Variants in GRAMD4 observed in about 807,000 individuals in gnomAD.
The protein encoded by GRAMD4 is GRAM domain-containing protein 4.
Under a neutral mutation model 83.9 loss-of-function variants are expected in GRAMD4, and 25 were observed. The observed-to-expected ratio is 0.30, with a 90% CI of 0.22 to 0.42. The LOEUF is 0.42. Among genes scored for constraint, GRAMD4 ranks in the 10% least tolerant of loss-of-function variants. The probability of loss-of-function intolerance (pLI) is 1.00; values close to 1 mark genes in which losing one functional copy is unlikely to be tolerated. For missense variants in GRAMD4, 593 were observed against 788.7 expected (o/e 0.75, Z 2.97); for synonymous variants, 336 against 320.9 (o/e 1.05, Z -0.50).
At chr22:46,674,986 C>T (rs1160695973) in intron 16 of GRAMD4, among the ~76,000 whole-genome samples, 2 of 152,242 alleles carry the variant, frequency 1.3e-5, no homozygotes, top group African/African-American at 2.4e-5. Flanking sequence ...ATGCTGTCTT[C>T]TCTGGGGCCC....
chr22:46,635,781 G>A (rs1411931998), intron 2 of GRAMD4, among the ~76,000 whole-genome samples: 1 of 63,234 alleles, frequency 1.6e-5, no homozygotes, highest in Non-Finnish European at 3.3e-5. Flanking sequence ...CTAGGTGGCC[G>A]TGTCCTCCCT....
chr22:46,658,143 C>T (rs373842597), intron 3 of GRAMD4, 44 bp from the exon 4 acceptor site: 32 of 1,611,580 alleles, frequency 2.0e-5, no homozygotes, highest in East Asian at 1.3e-4. Context: ...GTCGGGGTCG[C>T]GTGGACATGA....
chr22:46,636,070 C>T (rs4823570), intron 2 of GRAMD4, among the ~76,000 whole-genome samples: 82,723 of 152,008 alleles, frequency 0.54, 23,007 homozygotes, highest in Non-Finnish European at 0.61. Context: ...GTCCTGGGGC[C>T]CCAGCTGGGG....
rs905297499 is a variant in GRAMD4 at position 46,679,276 on chromosome 22, C to T, written c.*2025C>T. The T allele has an allele frequency of 1.7e-5, 17 of 985,364 alleles. No individual in the cohort carries two copies. The highest frequency in any genetic ancestry group is 1.4e-4 in the African/African-American group (8 of 57,232). The allele number at this position is 985,364 out of a possible 1,614,324, so 61.0% of individuals were successfully genotyped here. A position where few individuals can be genotyped will look rare whatever the true frequency, so the allele number is the denominator to read the frequency against. ...CCTGGGGCAGATGGGGCTTTACCAGCGTCGGGTGGTTTAGTTCGAGTCCCT... is the reference window on the plus strand; with the variant it reads ...CCTGGGGCAGATGGGGCTTTACCAGTGTCGGGTGGTTTAGTTCGAGTCCCT... On this transcript the variant is annotated 3_prime_UTR_variant, in exon 19 of 19. Coordinates refer to ENST00000406902, the MANE Select transcript of GRAMD4 (RefSeq NM_015124.5).
intron 3 of GRAMD4, among the ~76,000 whole-genome samples, chr22:46,653,079 GC>G (rs2082190836): frequency 1.3e-5 from 2 of 152,222 alleles, no homozygotes; most frequent in African/African-American, 4.8e-5. Context: ...GCGGTCAGAC[GC>G]TCCAGCTGGT....
intron 13 of GRAMD4, among the ~76,000 whole-genome samples, chr22:46,669,671 G>A (rs2082471141): frequency 6.6e-6 from 1 of 151,668 alleles, no homozygotes; most frequent in African/African-American, 2.4e-5. Context: ...CGCCTCCCGG[G>A]TTCAAGTGAT....
At chr22:46,616,461 T>A (rs2081496504), upstream of GRAMD4, among the ~76,000 whole-genome samples, 1 of 132,178 alleles carries the variant, frequency 7.6e-6, no homozygotes, top group Non-Finnish European at 1.6e-5. Context: ...GGTTCCCCCG[T>A]GTGTAGGTTC....
At chr22:46,637,996 A>G (rs770637009) in intron 3 of GRAMD4, 36 bp downstream of exon 3, 176 of 1,605,912 alleles carry the variant, frequency 1.1e-4, no homozygotes, top group Non-Finnish European at 1.5e-4. Flanking sequence ...GGATGGGACA[A>G]GGTGGGTCAG....
At position 46,655,081 on chromosome 22, in the gene GRAMD4, G is replaced by C. The variant is rs78072584; in HGVS notation, c.284-3106G>C. Among the ~76,000 whole-genome samples, 475 of 152,328 alleles carry C rather than the reference G, an allele frequency of 3.1e-3. 2 individuals carry two copies. Among genetic ancestry groups the C allele is most frequent in the African/African-American group, 0.011 (442 of 41,558 alleles). ...GGGTCAGGACTGAGGCTGAGGGACA[G>C]CTTACCCTGGAGGGTGGAAGAGAAG... On this transcript the variant is annotated intron_variant, in intron 3 of 18. Transcript: ENST00000406902.
chr22:46,650,114 T>C (rs2082142383), intron 3 of GRAMD4, among the ~76,000 whole-genome samples: 1 of 152,258 alleles, frequency 6.6e-6, no homozygotes, highest in South Asian at 2.1e-4. Context: ...GGGTGGATTC[T>C]GAGTTCGCGC....
At position 46,661,959 on chromosome 22, in the gene GRAMD4, C is replaced by T. The variant is rs182096875; in HGVS notation, c.466+517C>T. 4.2e-3 allele frequency among the ~76,000 whole-genome samples: 642 copies of T among 152,342 alleles called. 3 individuals are homozygous for T. Among genetic ancestry groups the T allele is most frequent in the African/African-American group, 0.015 (616 of 41,572 alleles). On this transcript the variant is annotated intron_variant, in intron 5 of 18. Coordinates refer to ENST00000406902, the MANE Select transcript of GRAMD4 (RefSeq NM_015124.5). ...CGCCCTGCAGGCAGCCGGCATAGTT[C>T]CCTGTACCTGGGGGTCAGCAAACTC...
intron 1 of GRAMD4, among the ~76,000 whole-genome samples, chr22:46,594,492 G>A (rs2081241484): frequency 6.6e-6 from 1 of 152,124 alleles, no homozygotes; most frequent in Non-Finnish European, 1.5e-5. Context: ...GCCAGAGGAG[G>A]GCTGGGGTAG....
chr22:46,604,520 C>G (rs138222426), intron 1 of GRAMD4, among the ~76,000 whole-genome samples: 7 of 152,184 alleles, frequency 4.6e-5, no homozygotes, highest in Non-Finnish European at 1.0e-4. Context: ...CTTCCCCAAC[C>G]GAAACTCCGC....
rs757421785 is a variant in GRAMD4 at position 46,665,659 on chromosome 22, C to T, written c.762C>T (p.Phe254=). 6.2e-7 allele frequency: 1 copy of T among 1,608,188 alleles called. No homozygotes were observed. Among genetic ancestry groups the T allele is most frequent in the Non-Finnish European group, 8.5e-7 (1 of 1,175,126 alleles). ...GGCATGGCTGGGCCATCCCATTGTT[C>T]TTATTTCTAGCAATTCTGAGGTTAT... The part of the protein sequence containing the change: ...AVWHGWAIPL[F]LFLAILRLSL... Residue 254 remains phenylalanine, a synonymous_variant, in exon 9 of 19, where the codon TTC becomes TTT. Coordinates refer to ENST00000406902, the MANE Select transcript of GRAMD4 (RefSeq NM_015124.5).
intron 13 of GRAMD4, among the ~76,000 whole-genome samples, chr22:46,671,812 C>A (rs2082510823): frequency 1.3e-5 from 2 of 152,146 alleles, no homozygotes; most frequent in African/African-American, 4.8e-5. Flanking sequence ...CCAGCCTGGG[C>A]AACAGAGCAA....
chr22:46,607,856 C>G (rs931367084), intron 1 of GRAMD4, among the ~76,000 whole-genome samples: 1 of 152,216 alleles, frequency 6.6e-6, no homozygotes, highest in African/African-American at 2.4e-5. Context: ...TGCCCTTCCT[C>G]TGCAGCCTGC....
chr22:46,625,328 G>C (rs1030032878), intron 1 of GRAMD4, among the ~76,000 whole-genome samples: 1 of 152,178 alleles, frequency 6.6e-6, no homozygotes, highest in Admixed American at 6.5e-5. Context: ...TTCTTGCCAC[G>C]AACTGTGATG....
At chr22:46,588,371 G>A (rs909558) in intron 1 of GRAMD4, among the ~76,000 whole-genome samples, 36,901 of 152,160 alleles carry the variant, frequency 0.24, 4,911 homozygotes, top group Non-Finnish European at 0.3. Context: ...CACCACGCAA[G>A]GGCAGGGAGG....
intron 4 of GRAMD4, among the ~76,000 whole-genome samples, chr22:46,660,398 C>A (rs928556567): frequency 1.3e-5 from 2 of 152,008 alleles, no homozygotes; most frequent in Non-Finnish European, 2.9e-5. Flanking sequence ...CTTTCCTTGT[C>A]GTCCTGGTGC....
Sources: allele counts gnomAD v4.1 joint callset (sites outside exome capture counted in the v4.1 genomes callset), GRCh38; gene constraint gnomAD v4.1.1; transcripts MANE v1.5; gene names NCBI Gene and HGNC (gene_info 2026-07-23, HGNC 2026-07-21).